RABGEF1: variants seen among roughly 807,000 people sequenced by gnomAD.
RABGEF1 encodes rab5 GDP/GTP exchange factor.
In RABGEF1, 26 loss-of-function variants were observed where a neutral mutation model predicts 57.3. The ratio of observed to expected loss-of-function variants is 0.45; its 90% CI spans 0.33 to 0.63. RABGEF1 has a LOEUF of 0.63. RABGEF1 is among the 20% of genes least tolerant of loss of function. The pLI is 0.02. For missense variants in RABGEF1, 464 were observed against 607.6 expected, an observed-to-expected ratio of 0.76 and a Z score of 2.48; for synonymous variants, 185 against 210.7, an observed-to-expected ratio of 0.88 and a Z score of 1.06.
chr7:66,748,275 C>T (rs759546774), intron 1 of RABGEF1, among the ~76,000 whole-genome samples: 3 of 152,086 alleles, frequency 2.0e-5, no homozygotes, highest in Non-Finnish European at 4.4e-5. Context: ...TAATGTGATC[C>T]GAGTACTTAG....
rs556786575 is a variant in RABGEF1, at chr7:66,696,705, A to G, written c.-873+14447A>G. ...ACTCCGTCTCAAAAAAAAAAAAAAA[A>G]AAAAAAAGAAAAATGGAGCGTGGTC... On this transcript the variant is annotated intron_variant and NMD_transcript_variant, in intron 1 of 9. Coordinates refer to the RABGEF1 transcript ENST00000607882. 1.9e-3 allele frequency among the ~76,000 whole-genome samples: 290 copies of G among 151,864 alleles called. 1 individual carries two copies. Among genetic ancestry groups the G allele is most frequent in the African/African-American group, 5.2e-3 (216 of 41,466 alleles).
intron 8 of RABGEF1, among the ~76,000 whole-genome samples, chr7:66,805,609 G>A (rs56165921): frequency 0.047 from 7,160 of 152,270 alleles, 262 homozygotes; most frequent in Middle Eastern, 0.14. Context: ...TTTATCCTAC[G>A]GAAACAGATG....
chr7:66,664,365 AG>A, the RABGEF1 span, among the ~76,000 whole-genome samples: 1 of 151,732 alleles, frequency 6.6e-6, no homozygotes. Flanking sequence ...AGATTACTTG[AG>A]GTCAGGAGTT....
intron 1 of RABGEF1, among the ~76,000 whole-genome samples, chr7:66,762,717 CA>C (rs1804738576): frequency 6.6e-6 from 1 of 152,058 alleles, no homozygotes; most frequent in Non-Finnish European, 1.5e-5. Flanking sequence ...CCTCTCCTGC[CA>C]CCCCCGTCCC....
chr7:66,775,873 G>A (rs1319215355), intron 3 of RABGEF1, among the ~76,000 whole-genome samples: 1 of 152,140 alleles, frequency 6.6e-6, no homozygotes, highest in Non-Finnish European at 1.5e-5. Context: ...TATAGGAAAA[G>A]GCCCAAGTTG....
the RABGEF1 span, among the ~76,000 whole-genome samples, chr7:66,670,822 G>T: frequency 6.6e-6 from 1 of 151,362 alleles, no homozygotes; most frequent in East Asian, 1.9e-4. Context: ...CTCCAGCCTG[G>T]GTGATAGAGC....
chr7:66,666,759 T>C, the RABGEF1 span, among the ~76,000 whole-genome samples: 1 of 152,144 alleles, frequency 6.6e-6, no homozygotes, highest in Admixed American at 6.5e-5. Context: ...TGGGTGGGCG[T>C]CCAGGCTTTG....
intron 1 of RABGEF1, among the ~76,000 whole-genome samples, chr7:66,695,600 G>A (rs569686588): frequency 3.0e-4 from 46 of 152,186 alleles, no homozygotes; most frequent in African/African-American, 1.1e-3. Context: ...AGAGTGGGTC[G>A]TGAGAAAGTG....
chr7:66,729,236 C>T (rs1029040760), intron 2 of RABGEF1, among the ~76,000 whole-genome samples: 3 of 151,026 alleles, frequency 2.0e-5, no homozygotes, highest in African/African-American at 7.3e-5. Flanking sequence ...AGGTGTGAGC[C>T]ACCGCACCCA....
rs764524442 is a variant in RABGEF1, at chr7:66,808,829, C to A, written c.1078-57C>A. 524 of 1,423,446 alleles carry A rather than the reference C, an allele frequency of 3.7e-4. 2 individuals are homozygous for A. The highest frequency in any genetic ancestry group is 2.0e-3 in the Admixed American group (87 of 44,180). The allele number at this position is 1,423,446 out of a possible 1,614,324, so 88.2% of individuals were successfully genotyped here. The stretch of plus-strand genomic sequence containing the variant: ...CTGTGATCAAAAGATTTTTACAAAT[C>A]GACTCGAGTATGCATAGCTTTCCTA... On this transcript the variant is annotated intron_variant, in intron 8 of 8. Coordinates refer to ENST00000284957, the MANE Select transcript of RABGEF1 (RefSeq NM_014504.3).
chr7:66,774,408 C>A (rs1363449082), intron 2 of RABGEF1, among the ~76,000 whole-genome samples: 3 of 152,214 alleles, frequency 2.0e-5, no homozygotes, highest in Non-Finnish European at 4.4e-5. Context: ...TGCTTCCCTA[C>A]CACATGATGA....
At chr7:66,779,416 A>G (rs1476919121) in intron 3 of RABGEF1, among the ~76,000 whole-genome samples, 4 of 151,696 alleles carry the variant, frequency 2.6e-5, no homozygotes, top group African/African-American at 9.7e-5. Flanking sequence ...AGGCAGGAGA[A>G]CTGTTTGAAC....
intron 3 of RABGEF1, among the ~76,000 whole-genome samples, chr7:66,779,855 G>A (rs1584036384): frequency 6.6e-6 from 1 of 151,992 alleles, no homozygotes; most frequent in Non-Finnish European, 1.5e-5. Flanking sequence ...TCAAACATAA[G>A]TCGCCTCCTC....
At chr7:66,659,226 G>A in the RABGEF1 span, among the ~76,000 whole-genome samples, 1 of 152,166 alleles carries the variant, frequency 6.6e-6, no homozygotes, top group Middle Eastern at 3.4e-3. Context: ...GCCAAGGTGG[G>A]TGGATCACAA....
chr7:66,738,971 AG>A (rs1193545608), upstream of RABGEF1, among the ~76,000 whole-genome samples: 1 of 151,694 alleles, frequency 6.6e-6, no homozygotes, highest in Admixed American at 6.6e-5. Flanking sequence ...TTGTTTTTTG[AG>A]GAGGAGTTTC....
intron 1 of RABGEF1, among the ~76,000 whole-genome samples, chr7:66,752,034 A>G (rs1226108018): frequency 1.3e-5 from 2 of 151,982 alleles, no homozygotes; most frequent in Non-Finnish European, 2.9e-5. Context: ...CTATATAAAC[A>G]AACCAAAAAA....
rs916951909 is a variant in RABGEF1 at position 66,810,187 on chromosome 7, G to T, written c.*903G>T. On this transcript the variant is annotated 3_prime_UTR_variant, in exon 9 of 9. Coordinates refer to ENST00000284957, the MANE Select transcript of RABGEF1 (RefSeq NM_014504.3). Reference sequence around the variant, plus strand: ...GGTCCCTCAGCTGTGAGATGCAAGGGGCGCCTTGCAGCCTCCATAATATAC... The same window carrying T: ...GGTCCCTCAGCTGTGAGATGCAAGGTGCGCCTTGCAGCCTCCATAATATAC... The T allele has an allele frequency of 2.0e-5, 3 of 152,132 alleles. No homozygotes were observed. The highest frequency in any genetic ancestry group is 4.4e-5 in the Non-Finnish European group (3 of 68,012). The allele number at this position is 152,132 out of a possible 1,614,324, so 9.4% of individuals were successfully genotyped here.
At chr7:66,760,927 C>A (rs181014351) in intron 1 of RABGEF1, among the ~76,000 whole-genome samples, 2 of 152,280 alleles carry the variant, frequency 1.3e-5, no homozygotes, top group East Asian at 3.9e-4. Context: ...TTGCACCTGG[C>A]CCTGGGGAAG....
chr7:66,698,187 A>G lies in RABGEF1; in HGVS notation c.-872-13980A>G, dbSNP rs145185521. On this transcript the variant is annotated intron_variant and NMD_transcript_variant, in intron 1 of 9. Coordinates refer to the RABGEF1 transcript ENST00000607882. ...GCCTCCCGCATTAGACCATCATTTC[A>G]GAGCAAGACTATGTCTCCCTAAAAC... is the stretch of plus-strand genomic sequence containing the variant. Among the ~76,000 whole-genome samples the G allele has an allele frequency of 6.3e-3, 949 of 151,460 alleles. 1 individual carries two copies. The highest frequency in any genetic ancestry group is 0.01 in the Non-Finnish European group (695 of 68,002).
Sources: allele counts gnomAD v4.1 joint callset (sites outside exome capture counted in the v4.1 genomes callset), GRCh38; gene constraint gnomAD v4.1.1; transcripts MANE v1.5; gene names NCBI Gene and HGNC (gene_info 2026-07-23, HGNC 2026-07-21).